LHFPL6: variants seen among roughly 807,000 people sequenced by gnomAD.
LHFPL6 encodes LHFPL tetraspan subfamily member 6 protein.
LHFPL6 carries 9 observed loss-of-function variants against 20.6 expected under a neutral mutation model. The ratio of observed to expected loss-of-function variants is 0.44; its 90% CI spans 0.26 to 0.76. The LOEUF (loss-of-function observed/expected upper bound fraction) is 0.76. Ranked by LOEUF, LHFPL6 falls within the 30% of genes least tolerant of loss-of-function variation. LHFPL6 has a pLI of 0.20. For missense variants in LHFPL6, 218 were observed against 253.5 expected, an observed-to-expected ratio of 0.86 and a Z score of 0.95; for synonymous variants, 105 against 98.7, an observed-to-expected ratio of 1.06 and a Z score of -0.38.
chr13:39,547,891 A>C (rs1393673156), intron 2 of LHFPL6, among the ~76,000 whole-genome samples: 2 of 152,120 alleles, frequency 1.3e-5, no homozygotes, highest in African/African-American at 4.8e-5. Context: ...GAAATGCCCC[A>C]AAGTGAAGAA....
At chr13:39,465,236 C>T (rs1872774125) in intron 2 of LHFPL6, among the ~76,000 whole-genome samples, 2 of 151,114 alleles carry the variant, frequency 1.3e-5, no homozygotes, top group East Asian at 4.3e-4. Context: ...TCTGTAATAA[C>T]TTTTCTTTTG....
chr13:39,464,022 A>G lies in LHFPL6; in HGVS notation c.386-85496T>C, dbSNP rs141565642. Among the ~76,000 whole-genome samples the G allele has an allele frequency of 7.2e-5, 11 of 152,344 alleles. No individual in the cohort carries two copies. The East Asian group carries it at 1.9e-3, about 27-fold the overall frequency. On this transcript the variant is annotated intron_variant, in intron 2 of 3. Coordinates refer to ENST00000379589, the MANE Select transcript of LHFPL6 (RefSeq NM_005780.3). ...TATGCCAGAATTGAAATTTGGAGCC[A>G]TAACTCATACATTCTACATAAGTAA...
At chr13:39,566,078 A>G (rs9315704) in intron 2 of LHFPL6, among the ~76,000 whole-genome samples, 131,048 of 152,194 alleles carry the variant, frequency 0.86, 56,534 homozygotes, top group South Asian at 0.93. Context: ...TTGAAAAACC[A>G]TGTATACTTA....
intron 2 of LHFPL6, among the ~76,000 whole-genome samples, chr13:39,523,547 GA>G (rs10588059): frequency 0.011 from 1,475 of 129,910 alleles, 16 homozygotes; most frequent in East Asian, 0.044. Flanking sequence ...GTCTCAAAAG[GA>G]AAAAAAAAAA....
intron 2 of LHFPL6, among the ~76,000 whole-genome samples, chr13:39,468,905 A>G (rs912874061): frequency 6.6e-6 from 1 of 151,836 alleles, no homozygotes; most frequent in African/African-American, 2.4e-5. Context: ...AACCTGTATC[A>G]GGTTTGAATT....
intron 2 of LHFPL6, among the ~76,000 whole-genome samples, chr13:39,393,131 G>A (rs1187966480): frequency 1.3e-5 from 2 of 152,124 alleles, no homozygotes; most frequent in Non-Finnish European, 2.9e-5. Flanking sequence ...TGCAGATTTT[G>A]GTATCTAAGA....
At chr13:39,469,305 T>C (rs1046049351) in intron 2 of LHFPL6, among the ~76,000 whole-genome samples, 1 of 152,212 alleles carries the variant, frequency 6.6e-6, no homozygotes, top group African/African-American at 2.4e-5. Context: ...ATTCAGTTCA[T>C]AGCTCTATCT....
intron 1 of LHFPL6, among the ~76,000 whole-genome samples, chr13:39,602,105 T>C (rs1322187661): frequency 6.6e-6 from 1 of 152,196 alleles, no homozygotes; most frequent in African/African-American, 2.4e-5. Flanking sequence ...TGAATGATTG[T>C]CTAATTTGAA....
At chr13:39,599,777 A>G (rs1872875221) in intron 2 of LHFPL6, among the ~76,000 whole-genome samples, 1 of 152,242 alleles carries the variant, frequency 6.6e-6, no homozygotes, top group Non-Finnish European at 1.5e-5. Flanking sequence ...GGGTTCTCTA[A>G]TATGGGGAGA....
intron 2 of LHFPL6, among the ~76,000 whole-genome samples, chr13:39,556,494 T>A (rs1377529855): frequency 6.6e-6 from 1 of 152,182 alleles, no homozygotes; most frequent in Non-Finnish European, 1.5e-5. Context: ...TTGGCTGTAC[T>A]GTGTTTATGC....
rs753122404 is a variant in LHFPL6, at chr13:39,343,775, C to T, written c.*161G>A. 3 of 588,978 alleles carry T rather than the reference C, an allele frequency of 5.1e-6. No homozygotes were observed. Among genetic ancestry groups the T allele is most frequent in the Non-Finnish European group, 9.0e-6 (3 of 334,004 alleles). 36.5% of individuals were successfully genotyped at this position (588,978 alleles called of 1,614,324 possible). ...TTTCCCCCACAAATCTCCTACAATC[C>T]TTCCTTCCTATATCATGTTCCTGAT... On this transcript the variant is annotated 3_prime_UTR_variant, in exon 4 of 4. Transcript: ENST00000379589.
intron 2 of LHFPL6, among the ~76,000 whole-genome samples, chr13:39,402,720 G>A (rs1055586381): frequency 2.0e-5 from 3 of 152,268 alleles, no homozygotes; most frequent in Admixed American, 6.5e-5. Context: ...GAAGGCAAAC[G>A]AATCCTCTGG....
At chr13:39,394,424 G>A (rs751952076) in intron 2 of LHFPL6, among the ~76,000 whole-genome samples, 1 of 152,158 alleles carries the variant, frequency 6.6e-6, no homozygotes, top group Non-Finnish European at 1.5e-5. Context: ...CCATAACAGA[G>A]GTTTGTGGTT....
intron 2 of LHFPL6, among the ~76,000 whole-genome samples, chr13:39,593,256 T>G (rs1872666328): frequency 6.6e-6 from 1 of 152,232 alleles, no homozygotes; most frequent in Non-Finnish European, 1.5e-5. Flanking sequence ...CTTAAGCTGA[T>G]AGGCAACTTC....
At chr13:39,599,397 C>G (rs1284220621) in intron 2 of LHFPL6, among the ~76,000 whole-genome samples, 1 of 152,216 alleles carries the variant, frequency 6.6e-6, no homozygotes, top group African/African-American at 2.4e-5. Flanking sequence ...TCTGAATTTA[C>G]ATTTCCACTT....
chr13:39,423,356 G>A (rs1202366537), intron 2 of LHFPL6, among the ~76,000 whole-genome samples: 1 of 152,014 alleles, frequency 6.6e-6, no homozygotes, highest in African/African-American at 2.4e-5. Context: ...CTGACAGGAG[G>A]AATACAGGAT....
At chr13:39,554,773 T>A (rs1350574232) in intron 2 of LHFPL6, among the ~76,000 whole-genome samples, 1 of 152,236 alleles carries the variant, frequency 6.6e-6, no homozygotes, top group Non-Finnish European at 1.5e-5. Flanking sequence ...CTTGGGTAGA[T>A]CTGTCCTTTT....
chr13:39,574,509 A>G (rs1260231620), intron 2 of LHFPL6, among the ~76,000 whole-genome samples: 1 of 152,064 alleles, frequency 6.6e-6, no homozygotes, highest in Non-Finnish European at 1.5e-5. Flanking sequence ...AAGATTACAA[A>G]TAAACATGTT....
intron 2 of LHFPL6, among the ~76,000 whole-genome samples, chr13:39,510,814 TGA>T (rs1284135804): frequency 6.6e-6 from 1 of 152,162 alleles, no homozygotes; most frequent in Non-Finnish European, 1.5e-5. Flanking sequence ...AACTACAGTT[TGA>T]AATATACAAC....
Sources: gnomAD v4.1 joint callset for allele counts (sites outside exome capture counted in the v4.1 genomes callset) on GRCh38, gnomAD v4.1.1 for gene constraint, MANE v1.5 for transcripts, NCBI Gene and HGNC (gene_info 2026-07-23, HGNC 2026-07-21) for gene names.